PPP2R2C: variants seen among roughly 807,000 people sequenced by gnomAD.
The protein encoded by PPP2R2C is protein phosphatase 2, regulatory subunit B, gamma.
A neutral mutation model predicts 45.3 loss-of-function variants in PPP2R2C; 10 were observed. That is an observed-to-expected ratio of 0.22 (90% CI 0.14 to 0.37). The LOEUF (loss-of-function observed/expected upper bound fraction) is 0.37. Among genes scored for constraint, PPP2R2C ranks in the 10% least tolerant of loss-of-function variants. The pLI is 1.00. For missense variants in PPP2R2C, 308 were observed against 619.7 expected (o/e 0.50, Z 5.34); for synonymous variants, 257 against 245.4 (o/e 1.05, Z -0.44).
chr4:6,510,374 G>T (rs570859766), intron 2 of PPP2R2C, among the ~76,000 whole-genome samples: 64 of 152,208 alleles, frequency 4.2e-4, no homozygotes, highest in African/African-American at 1.5e-3. Context: ...CTCTGGTCTT[G>T]GTTCAAATGA....
At chr4:6,417,116 G>T (rs1381210677) in intron 1 of PPP2R2C, among the ~76,000 whole-genome samples, 1 of 152,348 alleles carries the variant, frequency 6.6e-6, no homozygotes, top group Admixed American at 6.5e-5. Context: ...GAGGTTCCGT[G>T]TCTCTCTTTG....
At chr4:6,384,172 G>A in intron 1 of PPP2R2C, 5 of 985,388 alleles carry the variant, frequency 5.1e-6, no homozygotes, top group Non-Finnish European at 6.0e-6. Context: ...ACACATCTGG[G>A]CAGAAGCCAG....
chr4:6,556,163 A>T (rs1725394545), intron 1 of PPP2R2C, among the ~76,000 whole-genome samples: 1 of 152,138 alleles, frequency 6.6e-6, no homozygotes, highest in Non-Finnish European at 1.5e-5. Context: ...GGATGCCCAG[A>T]TATCATGCTA....
At chr4:6,494,319 G>C (rs1350778841) in intron 2 of PPP2R2C, among the ~76,000 whole-genome samples, 1 of 152,208 alleles carries the variant, frequency 6.6e-6, no homozygotes, top group Non-Finnish European at 1.5e-5. Flanking sequence ...GTTAATATGG[G>C]TGTGAAGGCC....
chr4:6,385,859 G>A (rs931326146), intron 1 of PPP2R2C, among the ~76,000 whole-genome samples: 1 of 152,052 alleles, frequency 6.6e-6, no homozygotes, highest in African/African-American at 2.4e-5. Flanking sequence ...GAGCCACCGC[G>A]CCCGGCCTAC....
chr4:6,455,049 C>CACCT (rs112656681), intron 1 of PPP2R2C, among the ~76,000 whole-genome samples: 92,802 of 151,782 alleles, frequency 0.61, 28,965 homozygotes, highest in African/African-American at 0.73. Context: ...CAGCACAAGT[C>CACCT]ACCTAGTGCT....
rs71173441 is a variant in PPP2R2C at position 6,423,900 on chromosome 4, T to TGTTAGG, written c.71-42812_71-42807dup. Among the ~76,000 whole-genome samples the TGTTAGG allele has an allele frequency of 2.3e-3, 352 of 152,190 alleles. 1 individual carries two copies. The highest frequency in any genetic ancestry group is 5.6e-3 in the African/African-American group (231 of 41,524). On this transcript the variant is annotated intron_variant, in intron 1 of 8. Transcript: ENST00000382599. ...GTTAGAATCAAATGTTTTGAGAGTG[T>TGTTAGG]GTTAGGGTTAGGGTTAGGGTTAGGG...
At chr4:6,387,595 G>A (rs531276220) in intron 1 of PPP2R2C, among the ~76,000 whole-genome samples, 77 of 152,238 alleles carry the variant, frequency 5.1e-4, no homozygotes, top group African/African-American at 1.7e-3. Flanking sequence ...TGGATCACCT[G>A]AGCTCAGGAG....
chr4:6,498,454 T>C (rs73086192), intron 2 of PPP2R2C, among the ~76,000 whole-genome samples: 2,572 of 152,312 alleles, frequency 0.017, 79 homozygotes, highest in African/African-American at 0.058. Context: ...ACACAAATGA[T>C]GATACAGTCT....
At chr4:6,558,820 G>A (rs747481618) in intron 1 of PPP2R2C, among the ~76,000 whole-genome samples, 10 of 152,194 alleles carry the variant, frequency 6.6e-5, no homozygotes, top group Non-Finnish European at 1.5e-4. Flanking sequence ...TTTCCACAGT[G>A]TCTCCCTGCC....
chr4:6,366,293 G>A (rs10804977), intron 5 of PPP2R2C, among the ~76,000 whole-genome samples: 121,847 of 152,256 alleles, frequency 0.8, 49,013 homozygotes, highest in South Asian at 0.86. Context: ...GGCCCGCCAG[G>A]GCCCAAAGCC....
intron 1 of PPP2R2C, among the ~76,000 whole-genome samples, chr4:6,469,339 A>T (rs1721742746): frequency 6.6e-6 from 1 of 152,156 alleles, no homozygotes; most frequent in Admixed American, 6.5e-5. Flanking sequence ...AAGAAAGAAA[A>T]TGGCCTGCTC....
intron 2 of PPP2R2C, among the ~76,000 whole-genome samples, chr4:6,533,753 C>T (rs1368938969): frequency 6.6e-6 from 1 of 152,140 alleles, no homozygotes; most frequent in Non-Finnish European, 1.5e-5. Flanking sequence ...CACCAGGAAA[C>T]ACTCTAATGT....
intron 2 of PPP2R2C, among the ~76,000 whole-genome samples, chr4:6,500,789 TGAAG>T (rs1366084444): frequency 6.6e-6 from 1 of 152,234 alleles, no homozygotes; most frequent in African/African-American, 2.4e-5. Flanking sequence ...TCAAACACCC[TGAAG>T]CTGGGGACAA....
intron 1 of PPP2R2C, among the ~76,000 whole-genome samples, chr4:6,550,336 G>A (rs1725142024): frequency 6.6e-6 from 1 of 151,660 alleles, no homozygotes; most frequent in Non-Finnish European, 1.5e-5. Context: ...CCTCAGGCCA[G>A]CACATGAGAC....
chr4:6,357,213 G>A (rs113283413), intron 5 of PPP2R2C, among the ~76,000 whole-genome samples: 1,541 of 152,270 alleles, frequency 0.01, 23 homozygotes, highest in African/African-American at 0.035. Flanking sequence ...AGTCACAGCT[G>A]CAGTCATGGG....
chr4:6,556,143 C>T (rs1002230610), intron 1 of PPP2R2C, among the ~76,000 whole-genome samples: 5 of 152,110 alleles, frequency 3.3e-5, no homozygotes, highest in African/African-American at 4.8e-5. Context: ...GTCAACTTGA[C>T]GGGGCCACGG....
intron 1 of PPP2R2C, among the ~76,000 whole-genome samples, chr4:6,406,098 G>A (rs915065691): frequency 3.9e-5 from 6 of 152,110 alleles, no homozygotes; most frequent in South Asian, 2.1e-4. Flanking sequence ...CACCCTATTC[G>A]GAGCACGTTA....
At chr4:6,525,536 C>G (rs1056137226) in intron 2 of PPP2R2C, among the ~76,000 whole-genome samples, 1 of 152,132 alleles carries the variant, frequency 6.6e-6, no homozygotes, top group Non-Finnish European at 1.5e-5. Context: ...ACAATGGGAC[C>G]GGAGGTCAGA....
Sources: gnomAD v4.1 joint callset for allele counts (sites outside exome capture counted in the v4.1 genomes callset) on GRCh38, gnomAD v4.1.1 for gene constraint, MANE v1.5 for transcripts, NCBI Gene and HGNC (gene_info 2026-07-23, HGNC 2026-07-21) for gene names.